Variants in PCDHGA3 observed in about 807,000 individuals in gnomAD.
PCDHGA3 encodes the protein protocadherin gamma-A3.
In PCDHGA3, 40 loss-of-function variants were observed where a neutral mutation model predicts 58.5. The observed-to-expected ratio is 0.68, with a 90% CI of 0.53 to 0.89. PCDHGA3 has a LOEUF of 0.89. Among genes scored for constraint, PCDHGA3 ranks in the 40% least tolerant of loss-of-function variants. The pLI is 0.00. For synonymous variants in PCDHGA3, 530 were observed against 525.7 expected (o/e 1.01, Z -0.11); for missense variants, 1,223 against 1,195.9 (o/e 1.02, Z -0.33).
intron 1 of PCDHGA3, chr5:141,404,285 A>T (rs1195722797): frequency 1.9e-6 from 3 of 1,614,026 alleles, no homozygotes; most frequent in East Asian, 4.5e-5. Flanking sequence ...AGTGACTGAC[A>T]TCAATGATAA....
intron 1 of PCDHGA3, among the ~76,000 whole-genome samples, chr5:141,445,740 A>T (rs993128906): frequency 2.6e-5 from 4 of 152,226 alleles, no homozygotes; most frequent in Admixed American, 1.3e-4. Flanking sequence ...AGATCTTTTT[A>T]AAAAATAAAA....
At chr5:141,503,363 G>A (rs2099819478) in intron 2 of PCDHGA3, among the ~76,000 whole-genome samples, 2 of 152,132 alleles carry the variant, frequency 1.3e-5, no homozygotes, top group East Asian at 1.9e-4. Context: ...TTGGGAAGCG[G>A]AGGCAGGTGG....
chr5:141,395,290 T>G, intron 1 of PCDHGA3: 1 of 1,529,838 alleles, frequency 6.5e-7, no homozygotes, highest in Non-Finnish European at 8.8e-7. Context: ...TTATTTGGCA[T>G]AAATTATGTT....
chr5:141,400,068 G>A (rs2093954953), intron 1 of PCDHGA3: 1 of 1,613,706 alleles, frequency 6.2e-7, no homozygotes, highest in African/African-American at 1.3e-5. Flanking sequence ...ATGGTGGACA[G>A]CCGCCACTCT....
chr5:141,394,120 C>G, intron 1 of PCDHGA3: 3 of 1,613,954 alleles, frequency 1.9e-6, no homozygotes, highest in Non-Finnish European at 1.7e-6. Context: ...TCCACTGAAA[C>G]TCAAATCGCT....
intron 1 of PCDHGA3, among the ~76,000 whole-genome samples, chr5:141,429,712 C>T (rs998121271): frequency 1.3e-5 from 2 of 151,994 alleles, no homozygotes; most frequent in African/African-American, 2.4e-5. Flanking sequence ...TAAATATTTA[C>T]GCTCATGAAA....
rs766050828 is a variant in PCDHGA3, at chr5:141,394,215, G to A, written c.2424+47758G>A. The A allele has an allele frequency of 1.9e-6, 3 of 1,613,902 alleles. No individual in the cohort carries two copies. The South Asian group carries it at 3.3e-5, about 18-fold the overall frequency. ...GTATATCCTAGAGAACAACCTGAGA[G>A]GAGCCTCCATCTTTTCCTTGACTGC... is the stretch of plus-strand genomic sequence containing the variant. On this transcript the variant is annotated intron_variant, in intron 1 of 3. Transcript: ENST00000253812.
At chr5:141,394,952 G>A (rs764724660) in intron 1 of PCDHGA3, 13 of 1,613,738 alleles carry the variant, frequency 8.1e-6, no homozygotes, top group African/African-American at 6.7e-5. Context: ...TGCTTCTGGG[G>A]CTCAGGCTGA....
intron 1 of PCDHGA3, chr5:141,374,411 G>T: frequency 6.2e-7 from 1 of 1,614,036 alleles, no homozygotes. Flanking sequence ...TAACATCCTT[G>T]TCGAGGATAA....
At chr5:141,387,663 T>G (rs999949836) in intron 1 of PCDHGA3, 6 of 673,368 alleles carry the variant, frequency 8.9e-6, no homozygotes, top group Admixed American at 6.4e-5. Flanking sequence ...AGCTTGGCGC[T>G]CCAGATCTCC....
chr5:141,386,419 G>T (rs952384075), intron 1 of PCDHGA3, among the ~76,000 whole-genome samples: 1 of 152,112 alleles, frequency 6.6e-6, no homozygotes, highest in African/African-American at 2.4e-5. Flanking sequence ...GTTGCAAGCT[G>T]TAGCCCACCT....
At position 141,403,340 on chromosome 5, in the gene PCDHGA3, G is replaced by GC. The variant is rs1435471755; in HGVS notation, c.2424+56887dup. The GC allele has an allele frequency of 5.6e-6, 9 of 1,613,982 alleles. No homozygotes were observed. In the South Asian group the frequency reaches 9.9e-5, roughly 18 times the overall value. ...AGAAGTAACTGATATTAACGACAGCGCCCCAAAGTTCCAGGCCGAAAGTCT... is the reference window on the plus strand; with the variant it reads ...AGAAGTAACTGATATTAACGACAGCGCCCCCAAAGTTCCAGGCCGAAAGTCT... On this transcript the variant is annotated intron_variant, in intron 1 of 3. Transcript: ENST00000253812.
chr5:141,399,165 T>C (rs1423083245), intron 1 of PCDHGA3: 1 of 1,613,774 alleles, frequency 6.2e-7, no homozygotes, highest in South Asian at 1.1e-5. Context: ...TTACATTCCA[T>C]TCTCTACTTG....
Position 141,476,889 on chromosome 5 carries a change from C to T in PCDHGA3, c.2425-17918C>T. ...CGGGCGCGCGTCCTGGAGGATGCAC[C>T]CTCCGGCACGCGCGTGGTACAAGTC... is the stretch of plus-strand genomic sequence containing the variant. On this transcript the variant is annotated intron_variant, in intron 1 of 3. Transcript: ENST00000253812. This position sits in a 1 kb window ranked among gnomAD's most constrained non-coding sequence, Gnocchi z 7.6. 6.2e-7 allele frequency: 1 copy of T among 1,613,960 alleles called. No individual in the cohort carries two copies. The highest frequency in any genetic ancestry group is 8.5e-7 in the Non-Finnish European group (1 of 1,180,034).
At chr5:141,399,591 G>A (rs2093843307) in intron 1 of PCDHGA3, 1 of 1,613,970 alleles carries the variant, frequency 6.2e-7, no homozygotes. Flanking sequence ...ACTCTATCAT[G>A]GCCAGCGACC....
intron 1 of PCDHGA3, chr5:141,411,430 A>C (rs918915726): frequency 6.6e-6 from 1 of 151,188 alleles, no homozygotes; most frequent in Admixed American, 6.6e-5. Context: ...CAACAAAAAA[A>C]AACATTAGCA....
intron 1 of PCDHGA3, among the ~76,000 whole-genome samples, chr5:141,460,934 G>GTA (rs2099001529): frequency 2.7e-5 from 4 of 149,622 alleles, no homozygotes; most frequent in African/African-American, 9.9e-5. Context: ...ATGTGTGTGT[G>GTA]TATATATATG....
At chr5:141,508,823 G>A (rs1445894402) in intron 3 of PCDHGA3, among the ~76,000 whole-genome samples, 1 of 151,966 alleles carries the variant, frequency 6.6e-6, no homozygotes, top group Admixed American at 6.6e-5. Flanking sequence ...GCCAGATCTG[G>A]GCCCCCCTCC....
At position 141,476,001 on chromosome 5, in the gene PCDHGA3, C is replaced by G; in HGVS notation, c.2425-18806C>G. The G allele has an allele frequency of 8.1e-7, 1 of 1,235,348 alleles. No homozygotes were observed. Among genetic ancestry groups the G allele is most frequent in the Non-Finnish European group, 1.1e-6 (1 of 894,008 alleles). 76.5% of individuals were successfully genotyped at this position (1,235,348 alleles called of 1,614,324 possible). On this transcript the variant is annotated intron_variant, in intron 1 of 3. Transcript: ENST00000253812. The surrounding 1 kb of genome is among the most constrained non-coding windows in gnomAD (Gnocchi z 7.6). ...CAGCCGGCGAGCAAATCAACGGCATCCAGAAAGCCATGTCGGACTCGGCGC... is the reference window on the plus strand; with the variant it reads ...CAGCCGGCGAGCAAATCAACGGCATGCAGAAAGCCATGTCGGACTCGGCGC...
Sources: gnomAD v4.1 joint callset for allele counts (sites outside exome capture counted in the v4.1 genomes callset) on GRCh38, gnomAD v4.1.1 for gene constraint, Gnocchi (gnomAD v3.1) non-coding constraint, MANE v1.5 for transcripts, NCBI Gene and HGNC (gene_info 2026-07-23, HGNC 2026-07-21) for gene names.